Variants in ART4 observed in about 807,000 individuals in gnomAD.
ART4 encodes the protein ecto-ADP-ribosyltransferase 4.
ART4 carries 14 observed loss-of-function variants against 24.2 expected under a neutral mutation model. That is an observed-to-expected ratio of 0.58 (90% confidence interval 0.38 to 0.90). ART4 has a LOEUF of 0.90. ART4 is among the 40% of genes least tolerant of loss of function. ART4 has a pLI of 0.00. For missense variants in ART4, 356 were observed against 366.6 expected, an observed-to-expected ratio of 0.97 and a Z score of 0.24; for synonymous variants, 145 against 139.9, an observed-to-expected ratio of 1.04 and a Z score of -0.26.
rs774376456 is a variant in ART4 at position 14,840,500 on chromosome 12, C to T, written c.798G>A (p.Trp266Ter). 12 of 1,614,060 alleles carry T rather than the reference C, an allele frequency of 7.4e-6. No individual in the cohort carries two copies. Among genetic ancestry groups the T allele is most frequent in the South Asian group, 2.2e-5 (2 of 91,032 alleles). ...INMSYHPRGD[W>*]LQLRSTGNLS... ...GGTTCCCAGTTGACCTCAACTGCAA[C>T]CAGTCTCCTCTTGGGTGGTAGCTCA... is the stretch of plus-strand genomic sequence containing the variant. The change falls in exon 2 of 3, where the codon TGG (tryptophan) becomes TGA (stop). Residue 266 changes from tryptophan (W) to a stop codon, truncating the protein, a stop_gained. Transcript: ENST00000228936. LOFTEE classifies it high-confidence loss of function.
rs1303679300 is a variant in ART4 at position 14,827,817 on chromosome 12, C to T, written c.*1554G>A. 6.6e-6 allele frequency: 1 copy of T among 152,212 alleles called. No individual in the cohort carries two copies. Among genetic ancestry groups the T allele is most frequent in the Non-Finnish European group, 1.5e-5 (1 of 68,060 alleles). 9.4% of individuals were successfully genotyped at this position (152,212 alleles called of 1,614,324 possible). On this transcript the variant is annotated 3_prime_UTR_variant, in exon 3 of 3. Coordinates refer to ENST00000228936, the MANE Select transcript of ART4 (RefSeq NM_021071.4). ...ATGATAGTACAGAGATGCCTGAACT[C>T]CCTGCCAGGTAATTTTATGTAGCTT...
chr12:14,843,089 T>G lies in ART4; in HGVS notation c.25A>C (p.Lys9Gln). Residue 9 changes from lysine to glutamine, a missense_variant, in exon 1 of 3, where the codon AAG becomes CAG. By Grantham distance (53) the Lys-to-Gln change is moderately conservative. Coordinates refer to ENST00000228936, the MANE Select transcript of ART4 (RefSeq NM_021071.4). ...ACAGTAGTTGGGAGAAGAATCTTCT[T>G]GCATCTGTTGATCAATGGACCCATT... MGPLINRC[K>Q]KILLPTTVPP... 1 of 1,614,204 alleles carries G rather than the reference T, an allele frequency of 6.2e-7. No individual in the cohort carries two copies. Among genetic ancestry groups the G allele is most frequent in the South Asian group, 1.1e-5 (1 of 91,088 alleles).
intron 2 of ART4, 83 bp from the exon 3 acceptor site, chr12:14,829,545 T>G: frequency 1.1e-6 from 1 of 927,870 alleles, no homozygotes; most frequent in East Asian, 2.8e-5. Flanking sequence ...ATCCACTTAC[T>G]TAACTTAGAA....
chr12:14,826,730 A>T lies in ART4; in HGVS notation c.*2641T>A, dbSNP rs534247539. ...CTGACCTTATGCTGTACATACATCG[A>T]TCATTCCGTATTCGCTTCTATTTTC... On this transcript the variant is annotated 3_prime_UTR_variant, in exon 3 of 3. Coordinates refer to ENST00000228936, the MANE Select transcript of ART4 (RefSeq NM_021071.4). 10 of 152,314 alleles carry T rather than the reference A, an allele frequency of 6.6e-5. No individual in the cohort carries two copies. Among genetic ancestry groups the T allele is most frequent in the African/African-American group, 2.4e-4 (10 of 41,546 alleles). The allele number at this position is 152,314 out of a possible 1,614,324, so 9.4% of individuals were successfully genotyped here.
At position 14,843,011 on chromosome 12, in the gene ART4, G is replaced by A. The variant is rs1306573652; in HGVS notation, c.103C>T (p.Leu35=). ...GGTCTCTGCAGGCCAGAGAGGAGCA[G>A]CAGGAATGGCAGCAGGCCTCCAAGG... The part of the protein sequence containing the change: ...WLLGGLLPFL[L]LLSGLQRPTE... Residue 35 remains leucine (L), a synonymous_variant, in exon 1 of 3, where the codon CTG becomes TTG. Transcript: ENST00000228936. 1.2e-6 allele frequency: 2 copies of A among 1,613,706 alleles called. No individual in the cohort carries two copies. The highest frequency in any genetic ancestry group is 1.7e-6 in the Non-Finnish European group (2 of 1,179,912).
Position 14,843,232 on chromosome 12 carries a change from A to T in ART4, c.-119T>A. The T allele has an allele frequency of 7.8e-7, 1 of 1,278,428 alleles. No homozygotes were observed. The highest frequency in any genetic ancestry group is 1.5e-5 in the South Asian group (1 of 66,438). The allele number at this position is 1,278,428 out of a possible 1,614,324, so 79.2% of individuals were successfully genotyped here. A position where few individuals can be genotyped will look rare whatever the true frequency, so the allele number is the denominator to read the frequency against. On this transcript the variant is annotated 5_prime_UTR_variant, in exon 1 of 3. Coordinates refer to ENST00000228936, the MANE Select transcript of ART4 (RefSeq NM_021071.4). ...TCCGTAACCGTTTTTTCCCCTGTCT[A>T]TGCTGAGCAACTTCTGTTGCCCACC...
chr12:14,829,223 T>G lies in ART4; in HGVS notation c.*148A>C, dbSNP rs1950377211. 7 of 532,336 alleles carry G rather than the reference T, an allele frequency of 1.3e-5. No individual in the cohort carries two copies. In the East Asian group the frequency reaches 2.3e-4, roughly 18 times the overall value. The allele number at this position is 532,336 out of a possible 1,614,324, so 33.0% of individuals were successfully genotyped here. A position where few individuals can be genotyped will look rare whatever the true frequency, so the allele number is the denominator to read the frequency against. ...GGTACAAGGAAAGGCATAAGAGAAT[T>G]AGCAAAGAGGAGGCCATGCACTGGT... On this transcript the variant is annotated 3_prime_UTR_variant, in exon 3 of 3. Coordinates refer to ENST00000228936, the MANE Select transcript of ART4 (RefSeq NM_021071.4).
rs1376844583 is a variant in ART4 at position 14,840,700 on chromosome 12, C to T, written c.598G>A (p.Ala200Thr). 7 of 1,614,100 alleles carry T rather than the reference C, an allele frequency of 4.3e-6. No individual in the cohort carries two copies. Among genetic ancestry groups the T allele is most frequent in the South Asian group, 1.1e-5 (1 of 91,078 alleles). Residue 200 changes from alanine (A) to threonine (T), a missense_variant, in exon 2 of 3, where the codon GCC becomes ACC. Coordinates refer to ENST00000228936, the MANE Select transcript of ART4 (RefSeq NM_021071.4). ...AGGAATTGGCCAAATCGAATGGTGG[C>T]CCCTGTGTAGGCATTAAAGTGGACA... ...KDVHFNAYTG[A>T]TIRFGQFLST... is the part of the protein sequence containing the mutation.
At position 14,830,549 on chromosome 12, in the gene ART4, G is replaced by A. The variant is rs772432926; in HGVS notation, c.854-1087C>T. ...TTTCTATATAGGAGTGTGTGTGTGT[G>A]TGTGTGTGTGTGTGTGTGTGTGTGT... On this transcript the variant is annotated intron_variant, in intron 2 of 2. Transcript: ENST00000228936. 8.4e-3 allele frequency among the ~76,000 whole-genome samples: 1,168 copies of A among 138,656 alleles called. 23 individuals are homozygous for A. Among genetic ancestry groups the A allele is most frequent in the South Asian group, 0.026 (112 of 4,254 alleles). 91.0% of individuals were successfully genotyped at this position (138,656 alleles called of 152,430 possible).
chr12:14,837,598 C>T (rs1038468028), intron 2 of ART4, among the ~76,000 whole-genome samples: 1 of 152,142 alleles, frequency 6.6e-6, no homozygotes, highest in Non-Finnish European at 1.5e-5. Context: ...ACTGAAACCT[C>T]CGCCTCCTGG....
chr12:14,842,873 A>G, intron 1 of ART4, 97 bp downstream of exon 1: 1 of 1,385,000 alleles, frequency 7.2e-7, no homozygotes. Context: ...CTAGATTCTG[A>G]ATGCCTAAGT....
chr12:14,831,607 C>T (rs1401871936), intron 2 of ART4, among the ~76,000 whole-genome samples: 1 of 152,006 alleles, frequency 6.6e-6, no homozygotes, highest in African/African-American at 2.4e-5. Flanking sequence ...TGGGAGTGTC[C>T]TGAGGTTTGA....
intron 2 of ART4, among the ~76,000 whole-genome samples, chr12:14,830,536 A>AATGTGTGTGTGT (rs761909320): frequency 4.8e-5 from 6 of 124,160 alleles, no homozygotes; most frequent in African/African-American, 1.8e-4. Flanking sequence ...TCTATATAGG[A>AATGTGTGTGTGT]GTGTGTGTGT....
intron 2 of ART4, among the ~76,000 whole-genome samples, chr12:14,833,841 A>G (rs1950411869): frequency 6.6e-6 from 1 of 152,194 alleles, no homozygotes; most frequent in Admixed American, 6.5e-5. Context: ...AAATGCAAGG[A>G]GCAAGAGTGT....
At chr12:14,834,403 T>C (rs1187530347) in intron 2 of ART4, among the ~76,000 whole-genome samples, 2 of 152,042 alleles carry the variant, frequency 1.3e-5, no homozygotes, top group Admixed American at 1.3e-4. Context: ...ATCTTAAAAG[T>C]TTTGAGTACT....
In ART4 at chr12:14,841,080, A is replaced by C; in HGVS notation, c.218T>G (p.Val73Gly). 1 of 1,614,138 alleles carries C rather than the reference A, an allele frequency of 6.2e-7. No homozygotes were observed. Among genetic ancestry groups the C allele is most frequent in the Non-Finnish European group, 8.5e-7 (1 of 1,180,008 alleles). ...DDQYQGCSKQ[V>G]MEKLTQGDYF... Reference sequence around the variant, plus strand: ...ATCCCCTTGAGTTAGTTTCTCCATAACCTGTTTGCTACAGCCTTGGTACTG... The same window carrying C: ...ATCCCCTTGAGTTAGTTTCTCCATACCCTGTTTGCTACAGCCTTGGTACTG... The change falls in exon 2 of 3, where the codon GTT (valine) becomes GGT (glycine). Residue 73 changes from valine (V) to glycine (G), a missense_variant. Physicochemically the swap from Val to Gly is moderately radical, Grantham distance 109. Coordinates refer to ENST00000228936, the MANE Select transcript of ART4 (RefSeq NM_021071.4).
In ART4 at chr12:14,840,503, G is replaced by GT; in HGVS notation, c.794dup (p.Asp265GlufsTer15). The stretch of plus-strand genomic sequence containing the variant: ...TCCCAGTTGACCTCAACTGCAACCA[G>GT]TCTCCTCTTGGGTGGTAGCTCATAT... On this transcript the variant is annotated frameshift_variant, in exon 2 of 3. Transcript: ENST00000228936. LOFTEE classifies it high-confidence loss of function. 1 of 1,614,086 alleles carries GT rather than the reference G, an allele frequency of 6.2e-7. No homozygotes were observed. Among genetic ancestry groups the GT allele is most frequent in the Non-Finnish European group, 8.5e-7 (1 of 1,179,994 alleles).
chr12:14,838,899 C>CTTTT (rs35828014), intron 2 of ART4, among the ~76,000 whole-genome samples: 2 of 140,528 alleles, frequency 1.4e-5, no homozygotes, highest in Non-Finnish European at 1.5e-5. Context: ...TATGAACAGT[C>CTTTT]TTTTTTTTTT....
At position 14,843,222 on chromosome 12, in the gene ART4, T is replaced by C. The variant is rs1432657070; in HGVS notation, c.-109A>G. The C allele has an allele frequency of 7.0e-7, 1 of 1,432,430 alleles. No individual in the cohort carries two copies. Among genetic ancestry groups the C allele is most frequent in the Non-Finnish European group, 9.5e-7 (1 of 1,052,002 alleles). The allele number at this position is 1,432,430 out of a possible 1,614,324, so 88.7% of individuals were successfully genotyped here. A position where few individuals can be genotyped will look rare whatever the true frequency, so the allele number is the denominator to read the frequency against. On this transcript the variant is annotated 5_prime_UTR_variant, in exon 1 of 3. Transcript: ENST00000228936. ...TTCAGTCTCATCCGTAACCGTTTTTTCCCCTGTCTATGCTGAGCAACTTCT... is the reference window on the plus strand; with the variant it reads ...TTCAGTCTCATCCGTAACCGTTTTTCCCCCTGTCTATGCTGAGCAACTTCT...
Sources: allele counts gnomAD v4.1 joint callset (sites outside exome capture counted in the v4.1 genomes callset), GRCh38; gene constraint gnomAD v4.1.1; transcripts MANE v1.5; gene names NCBI Gene and HGNC (gene_info 2026-07-23, HGNC 2026-07-21).